The following FHIP1B variants were observed in gnomAD, a reference collection of about 807,000 sequenced individuals.
The protein encoded by FHIP1B is FHF complex subunit HOOK-interacting protein 1B.
A neutral mutation model predicts 82.2 loss-of-function variants in FHIP1B; 28 were observed. The observed-to-expected ratio is 0.34, with a 90% CI of 0.25 to 0.47. The LOEUF (loss-of-function observed/expected upper bound fraction) is 0.47. Among genes scored for constraint, FHIP1B ranks in the 20% least tolerant of loss-of-function variants. The pLI, the probability that FHIP1B is intolerant of heterozygous loss-of-function variation, is 1.00. For synonymous variants in FHIP1B, 585 were observed against 516.1 expected, an observed-to-expected ratio of 1.13 and a Z score of -1.81; for missense variants, 1,110 against 1,262.6, an observed-to-expected ratio of 0.88 and a Z score of 1.83.
In FHIP1B at chr11:6,224,562, G is replaced by A; in HGVS notation, c.-46C>T. On this transcript the variant is annotated 5_prime_UTR_variant, in exon 2 of 12. Transcript: ENST00000449352. ...GGCAGCCAGAGGCCTACACTCTGAG[G>A]ATTTGCCAGCTGGAGGTTTTCTCCA... is the stretch of plus-strand genomic sequence containing the variant. 5 of 1,547,166 alleles carry A rather than the reference G, an allele frequency of 3.2e-6. No individual in the cohort carries two copies. Among genetic ancestry groups the A allele is most frequent in the Non-Finnish European group, 4.3e-6 (5 of 1,151,912 alleles).
At chr11:6,216,915 G>A in intron 9 of FHIP1B, 1 of 605,604 alleles carries the variant, frequency 1.7e-6, no homozygotes, top group Non-Finnish European at 2.9e-6. Flanking sequence ...GGCCCCAGGA[G>A]AGCTGACAGA....
intron 11 of FHIP1B, among the ~76,000 whole-genome samples, chr11:6,213,872 C>T (rs1234023671): frequency 1.3e-5 from 2 of 151,990 alleles, no homozygotes; most frequent in Non-Finnish European, 2.9e-5. Flanking sequence ...ACTAATCTCT[C>T]CACTTCCAGA....
intron 1 of FHIP1B, among the ~76,000 whole-genome samples, chr11:6,232,141 A>C (rs1165541306): frequency 6.6e-6 from 1 of 152,214 alleles, no homozygotes; most frequent in Admixed American, 6.5e-5. Context: ...ACCACTCACT[A>C]TATGATACAA....
intron 6 of FHIP1B, among the ~76,000 whole-genome samples, chr11:6,221,683 CT>C (rs1362276706): frequency 6.6e-6 from 1 of 152,098 alleles, no homozygotes. Flanking sequence ...TGTTCTTCTA[CT>C]TGATCAATAA....
At chr11:6,229,176 G>C (rs1420727425) in intron 1 of FHIP1B, among the ~76,000 whole-genome samples, 1 of 152,186 alleles carries the variant, frequency 6.6e-6, no homozygotes, top group East Asian at 1.9e-4. Context: ...GAATAATACA[G>C]AGTAGTAGGT....
chr11:6,229,113 C>T (rs7131535), intron 1 of FHIP1B, among the ~76,000 whole-genome samples: 102,843 of 152,080 alleles, frequency 0.68, 37,362 homozygotes, highest in East Asian at 0.95. Flanking sequence ...TTATGGAACA[C>T]TTTTCTCAAT....
At position 6,218,089 on chromosome 11, in the gene FHIP1B, T is replaced by C. The variant is rs573849642; in HGVS notation, c.1497A>G (p.Pro499=). 3 of 1,613,660 alleles carry C rather than the reference T, an allele frequency of 1.9e-6. No homozygotes were observed. Among genetic ancestry groups the C allele is most frequent in the Admixed American group, 1.7e-5 (1 of 59,952 alleles). ...SVTTVPRPST[P]SRLALFLRQQ... ...GCCGCAGGAAGAGAGCCAGACGAGATGGTGTGGAGGGCCGGGGTACTGTCG... is the reference window on the plus strand; with the variant it reads ...GCCGCAGGAAGAGAGCCAGACGAGACGGTGTGGAGGGCCGGGGTACTGTCG... The change falls in exon 9 of 12, where the codon CCA becomes CCG. Residue 499 remains proline (P), a synonymous_variant. Coordinates refer to ENST00000449352, the MANE Select transcript of FHIP1B (RefSeq NM_001098794.2).
rs781451001 is a variant in FHIP1B at position 6,223,597 on chromosome 11, AG to A, written c.777+12del. 6 of 1,566,216 alleles carry A rather than the reference AG, an allele frequency of 3.8e-6. No homozygotes were observed. The Admixed American group carries it at 7.2e-5, about 19-fold the overall frequency. ...CACACCACACCCTACCCTCCAAGCCAGGGGGTGCTAACCGGGCAGAAGTAAG... is the reference window on the plus strand; with the variant it reads ...CACACCACACCCTACCCTCCAAGCCAGGGGTGCTAACCGGGCAGAAGTAAG... On this transcript the variant is annotated intron_variant, in intron 3 of 11. Transcript: ENST00000449352. This position sits in a 1 kb window ranked among gnomAD's most constrained non-coding sequence, Gnocchi z 4.8.
intron 1 of FHIP1B, among the ~76,000 whole-genome samples, chr11:6,232,436 T>C (rs1033037976): frequency 6.6e-6 from 1 of 152,212 alleles, no homozygotes; most frequent in South Asian, 2.1e-4. Flanking sequence ...CTTTTGGAAA[T>C]AGAACAATTA....
At chr11:6,228,606 C>T (rs1050618451) in intron 1 of FHIP1B, among the ~76,000 whole-genome samples, 1 of 152,190 alleles carries the variant, frequency 6.6e-6, no homozygotes, top group East Asian at 1.9e-4. Context: ...GATGCTACTT[C>T]AGGCAAATCT....
chr11:6,228,304 C>T (rs982343289), intron 1 of FHIP1B, among the ~76,000 whole-genome samples: 4 of 151,886 alleles, frequency 2.6e-5, no homozygotes, highest in African/African-American at 2.4e-5. Flanking sequence ...GAGCCAAGAT[C>T]GCACCATTGC....
At chr11:6,231,843 T>C (rs1847708231) in intron 1 of FHIP1B, among the ~76,000 whole-genome samples, 1 of 152,208 alleles carries the variant, frequency 6.6e-6, no homozygotes, top group Non-Finnish European at 1.5e-5. Flanking sequence ...TCTCTCTAAA[T>C]TGAAATTATG....
chr11:6,216,668 G>C (rs935118136), intron 9 of FHIP1B: 2 of 183,724 alleles, frequency 1.1e-5, no homozygotes, highest in Non-Finnish European at 2.3e-5. Context: ...TCTAGCTCCA[G>C]GGCATCCTTG....
At chr11:6,222,723 TCTA>T in intron 5 of FHIP1B, 85 bp downstream of exon 5, 1 of 1,548,894 alleles carries the variant, frequency 6.5e-7, no homozygotes, top group Non-Finnish European at 8.9e-7. Context: ...GGAGGAGTAC[TCTA>T]CCCACCGCCT....
chr11:6,217,217 A>G (rs1847254997), intron 9 of FHIP1B, 154 bp downstream of exon 9: 1 of 735,302 alleles, frequency 1.4e-6, no homozygotes. Context: ...CAAGTATGAC[A>G]TGACACGTAT....
chr11:6,220,174 T>C (rs1441130914), intron 6 of FHIP1B, among the ~76,000 whole-genome samples: 1 of 152,096 alleles, frequency 6.6e-6, no homozygotes, highest in Non-Finnish European at 1.5e-5. Flanking sequence ...TCCATAGATA[T>C]CTATTATCTA....
chr11:6,224,192 A>T lies in FHIP1B; in HGVS notation c.195T>A (p.Asp65Glu). The change falls in exon 3 of 12, where the codon GAT becomes GAA. Residue 65 changes from aspartate (D) to glutamate (E), a missense_variant. Physicochemically the swap from Asp to Glu is conservative, Grantham distance 45. Transcript: ENST00000449352. ...AAGTGTGGTTGCGCACAGCACTGAG[A>T]TCGTCTGCACCCCCAGGAGCTGCCC... ...GPRAAPGGAD[D>E]LSAVRNHTYQ... 1 of 1,613,062 alleles carries T rather than the reference A, an allele frequency of 6.2e-7. No homozygotes were observed. Among genetic ancestry groups the T allele is most frequent in the Non-Finnish European group, 8.5e-7 (1 of 1,179,474 alleles).
At chr11:6,212,966 T>C (rs1420054864) in intron 11 of FHIP1B, among the ~76,000 whole-genome samples, 1 of 152,208 alleles carries the variant, frequency 6.6e-6, no homozygotes, top group Non-Finnish European at 1.5e-5. Flanking sequence ...TCCTCTGATT[T>C]GTCTTCCACT....
chr11:6,225,387 A>C (rs1409818568), intron 1 of FHIP1B, among the ~76,000 whole-genome samples: 1 of 152,150 alleles, frequency 6.6e-6, no homozygotes, highest in Non-Finnish European at 1.5e-5. Flanking sequence ...GTTTCAAATC[A>C]TCTCCCCAGA....
Sources: gnomAD v4.1 joint callset for allele counts (sites outside exome capture counted in the v4.1 genomes callset) on GRCh38, gnomAD v4.1.1 for gene constraint, Gnocchi (gnomAD v3.1) non-coding constraint, MANE v1.5 for transcripts, NCBI Gene and HGNC (gene_info 2026-07-23, HGNC 2026-07-21) for gene names.